JAKMIP2: variants seen among roughly 807,000 people sequenced by gnomAD.
JAKMIP2 encodes janus kinase and microtubule interacting protein 2, also known as janus kinase and microtubule-interacting protein 2.
A neutral mutation model predicts 115.0 loss-of-function variants in JAKMIP2; 25 were observed. That is an observed-to-expected ratio of 0.22 (90% confidence interval 0.16 to 0.30). The LOEUF is 0.30. JAKMIP2 is among the 10% of genes least tolerant of loss of function. The probability of loss-of-function intolerance (pLI) is 1.00; values close to 1 mark genes in which losing one functional copy is unlikely to be tolerated. For missense variants in JAKMIP2, 642 were observed against 957.6 expected (o/e 0.67, Z 4.35); for synonymous variants, 334 against 343.6 (o/e 0.97, Z 0.31).
intron 1 of JAKMIP2, among the ~76,000 whole-genome samples, chr5:147,701,750 T>C (rs181725619): frequency 3.3e-3 from 508 of 152,304 alleles, no homozygotes; most frequent in Non-Finnish European, 5.7e-3. Context: ...CATGTGAGGA[T>C]GCAGCAAGTA....
chr5:147,691,776 T>G (rs1751871188), intron 1 of JAKMIP2, among the ~76,000 whole-genome samples: 1 of 152,116 alleles, frequency 6.6e-6, no homozygotes, highest in African/African-American at 2.4e-5. Flanking sequence ...AAAGGCGATG[T>G]GATGTCCACG....
At chr5:147,612,002 G>C in intron 20 of JAKMIP2, 2 of 496,632 alleles carry the variant, frequency 4.0e-6, no homozygotes, top group Non-Finnish European at 7.5e-6. Flanking sequence ...GCAAAGTAGG[G>C]TAACAAAACT....
intron 4 of JAKMIP2, among the ~76,000 whole-genome samples, chr5:147,649,380 A>C (rs1284434877): frequency 6.6e-6 from 1 of 152,200 alleles, no homozygotes. Context: ...TTTACATATT[A>C]TCTCTTCTAA....
At chr5:147,596,779 A>AG (rs1179441096) in intron 21 of JAKMIP2, among the ~76,000 whole-genome samples, 1 of 152,232 alleles carries the variant, frequency 6.6e-6, no homozygotes, top group East Asian at 1.9e-4. Context: ...GGATATATTT[A>AG]CACAAAAAGG....
At chr5:147,656,414 T>G (rs1485103603) in intron 3 of JAKMIP2, among the ~76,000 whole-genome samples, 4 of 152,246 alleles carry the variant, frequency 2.6e-5, no homozygotes, top group African/African-American at 4.8e-5. Context: ...CTCTTCTTGT[T>G]GAATTGATCC....
At chr5:147,756,900 T>C (rs1396849371) in intron 1 of JAKMIP2, among the ~76,000 whole-genome samples, 1 of 152,172 alleles carries the variant, frequency 6.6e-6, no homozygotes, top group East Asian at 1.9e-4. Flanking sequence ...CTGTCTGTGT[T>C]CTGTAAACTG....
chr5:147,671,534 T>A, intron 2 of JAKMIP2, 144 bp downstream of exon 2: 1 of 512,984 alleles, frequency 1.9e-6, no homozygotes, highest in Non-Finnish European at 3.1e-6. Context: ...TGCAATAAGC[T>A]CTCCATGTTT....
chr5:147,613,287 A>G lies in JAKMIP2; in HGVS notation c.2347-916T>C, dbSNP rs115992866. On this transcript the variant is annotated intron_variant, in intron 19 of 21. Transcript: ENST00000616793. ...TTCTTATTTAATACCTCTGTAGGGA[A>G]TAATTAGAAAATAGAGAAATGGAGT... Among the ~76,000 whole-genome samples the G allele has an allele frequency of 5.6e-3, 854 of 152,312 alleles. 9 individuals are homozygous for G. The highest frequency in any genetic ancestry group is 0.02 in the African/African-American group (820 of 41,570).
chr5:147,665,963 G>T (rs1207284701), intron 2 of JAKMIP2, among the ~76,000 whole-genome samples: 7 of 152,116 alleles, frequency 4.6e-5, no homozygotes, highest in African/African-American at 1.7e-4. Flanking sequence ...AAAAATACAG[G>T]TGCATGAAAC....
chr5:147,751,823 G>T (rs1246644339), intron 1 of JAKMIP2, among the ~76,000 whole-genome samples: 3 of 152,140 alleles, frequency 2.0e-5, no homozygotes, highest in Non-Finnish European at 4.4e-5. Context: ...GATGGATGAG[G>T]TTCTGTAGGA....
chr5:147,764,922 G>GAAAGAA (rs550191358), intron 1 of JAKMIP2, among the ~76,000 whole-genome samples: 22 of 71,738 alleles, frequency 3.1e-4, no homozygotes, highest in African/African-American at 1.4e-3. Context: ...AAGAAAGAAA[G>GAAAGAA]AGAGAGAGAG....
In JAKMIP2 at chr5:147,605,063, AG is replaced by A. The variant is rs778682588; in HGVS notation, c.2413-3253del. ...ATTGTTCAACTCCCACTTATGAGTG[AG>A]AACATGCAGTGTTTGGTTTTCTATT... On this transcript the variant is annotated intron_variant, in intron 20 of 21. Coordinates refer to ENST00000616793, the MANE Select transcript of JAKMIP2 (RefSeq NM_001270941.2). Among the ~76,000 whole-genome samples, 360 of 151,838 alleles carry A rather than the reference AG, an allele frequency of 2.4e-3. 1 individual carries two copies. The highest frequency in any genetic ancestry group is 3.8e-3 in the Non-Finnish European group (261 of 67,984).
intron 6 of JAKMIP2, among the ~76,000 whole-genome samples, chr5:147,644,432 T>C (rs1401932777): frequency 6.6e-6 from 1 of 152,170 alleles, no homozygotes; most frequent in Admixed American, 6.5e-5. Flanking sequence ...TATTAAGGAG[T>C]ACATTATCAT....
intron 1 of JAKMIP2, among the ~76,000 whole-genome samples, chr5:147,703,962 C>A (rs577566288): frequency 7.2e-5 from 11 of 152,170 alleles, no homozygotes; most frequent in Admixed American, 5.2e-4. Flanking sequence ...ACACCAACCG[C>A]ACATTACCTT....
chr5:147,765,074 A>G (rs1263513148), intron 1 of JAKMIP2, among the ~76,000 whole-genome samples: 2 of 150,500 alleles, frequency 1.3e-5, no homozygotes, highest in East Asian at 3.9e-4. Flanking sequence ...AAGGAAGGAA[A>G]GAAAGAAAGA....
chr5:147,704,743 TC>T (rs1182107967), intron 1 of JAKMIP2, among the ~76,000 whole-genome samples: 20 of 152,152 alleles, frequency 1.3e-4, no homozygotes, highest in African/African-American at 4.8e-4. Context: ...CTTGTAAATA[TC>T]TTTGGCTGTC....
intron 16 of JAKMIP2, 48 bp from the exon 17 acceptor site, chr5:147,623,737 G>C (rs1455037060): frequency 2.6e-6 from 3 of 1,159,038 alleles, no homozygotes; most frequent in African/African-American, 3.0e-5. Context: ...GCTTGATATG[G>C]TGTATATCTG....
intron 1 of JAKMIP2, among the ~76,000 whole-genome samples, chr5:147,779,276 TAA>T (rs1755673314): frequency 6.6e-6 from 1 of 152,132 alleles, no homozygotes; most frequent in African/African-American, 2.4e-5. Context: ...CAAGTTTTAC[TAA>T]AGACTTACAT....
intron 1 of JAKMIP2, among the ~76,000 whole-genome samples, chr5:147,686,843 CCCAG>C (rs1760596353): frequency 6.6e-6 from 1 of 152,152 alleles, no homozygotes. Flanking sequence ...ACATTTTCCT[CCCAG>C]CATTTTCTTT....
Sources: gnomAD v4.1 joint callset for allele counts (sites outside exome capture counted in the v4.1 genomes callset) on GRCh38, gnomAD v4.1.1 for gene constraint, MANE v1.5 for transcripts, NCBI Gene and HGNC (gene_info 2026-07-23, HGNC 2026-07-21) for gene names.